SASH1: variants seen among roughly 807,000 people sequenced by gnomAD.
The protein encoded by SASH1 is SAM and SH3 domain-containing protein 1.
In SASH1, 44 loss-of-function variants were observed where a neutral mutation model predicts 125.2. The observed-to-expected ratio is 0.35, with a 90% CI of 0.28 to 0.45. SASH1 has a LOEUF of 0.45. SASH1 is among the 20% of genes least tolerant of loss of function. The pLI, the probability that SASH1 is intolerant of heterozygous loss-of-function variation, is 1.00. For synonymous variants in SASH1, 639 were observed against 649.1 expected (o/e 0.98, Z 0.24); for missense variants, 1,426 against 1,614.5 (o/e 0.88, Z 2.00).
chr6:148,273,036 G>T (rs1779101711), intron 1 of SASH1, among the ~76,000 whole-genome samples: 1 of 152,106 alleles, frequency 6.6e-6, no homozygotes, highest in Non-Finnish European at 1.5e-5. Context: ...GGGGCGGGAA[G>T]GTTCCTTGAG....
chr6:148,336,812 A>G (rs1188156578), intron 1 of SASH1, among the ~76,000 whole-genome samples: 1 of 152,230 alleles, frequency 6.6e-6, no homozygotes, highest in East Asian at 1.9e-4. Flanking sequence ...AGTTAGCTCA[A>G]GTTAAGTTTT....
At chr6:148,442,392 CAAAAG>C (rs954686347) in intron 4 of SASH1, among the ~76,000 whole-genome samples, 5 of 151,912 alleles carry the variant, frequency 3.3e-5, no homozygotes, top group Non-Finnish European at 7.4e-5. Flanking sequence ...GACCCCATCT[CAAAAG>C]AAAAAAATAT....
chr6:148,301,714 G>C (rs898157736), intron 1 of SASH1, among the ~76,000 whole-genome samples: 26 of 149,836 alleles, frequency 1.7e-4, no homozygotes, highest in Non-Finnish European at 2.8e-4. Flanking sequence ...AAGTAGCTGG[G>C]ACTACAGAAA....
intron 1 of SASH1, among the ~76,000 whole-genome samples, chr6:148,376,744 G>C (rs1782909829): frequency 6.6e-6 from 1 of 152,058 alleles, no homozygotes; most frequent in African/African-American, 2.4e-5. Flanking sequence ...GTGACCTGTA[G>C]TCCCAGCTAC....
intron 2 of SASH1, among the ~76,000 whole-genome samples, chr6:148,415,065 G>A (rs993402608): frequency 5.9e-5 from 9 of 152,134 alleles, no homozygotes; most frequent in African/African-American, 2.2e-4. Context: ...CACCACCATC[G>A]ACTTCACAGA....
At chr6:148,400,508 G>A (rs1009874567) in intron 2 of SASH1, among the ~76,000 whole-genome samples, 5 of 152,228 alleles carry the variant, frequency 3.3e-5, no homozygotes, top group Non-Finnish European at 7.3e-5. Flanking sequence ...CCAGCACTTT[G>A]GGAGGCAGAG....
In SASH1 at chr6:148,532,446, C is replaced by T. The variant is rs2115406211; in HGVS notation, c.1565-351C>T. ...CATGACTGCTCTGAATTTGTTTCCT[C>T]ATCTGTAAAATGGTTAGAGAGAGTG... On this transcript the variant is annotated intron_variant, in intron 13 of 19. Coordinates refer to ENST00000367467, the MANE Select transcript of SASH1 (RefSeq NM_015278.5). The surrounding 1 kb of genome is among the most constrained non-coding windows in gnomAD (Gnocchi z 4.7). 1.3e-5 allele frequency among the ~76,000 whole-genome samples: 2 copies of T among 152,330 alleles called. No individual in the cohort carries two copies. Among genetic ancestry groups the T allele is most frequent in the Admixed American group, 1.3e-4 (2 of 15,300 alleles).
chr6:148,326,560 G>A (rs577885946), intron 1 of SASH1, among the ~76,000 whole-genome samples: 10 of 147,648 alleles, frequency 6.8e-5, no homozygotes, highest in Non-Finnish European at 1.0e-4. Flanking sequence ...ACGCGCCACC[G>A]TGGCCAGCTA....
At chr6:148,368,613 C>T (rs1420531088) in intron 1 of SASH1, among the ~76,000 whole-genome samples, 2 of 152,138 alleles carry the variant, frequency 1.3e-5, no homozygotes, top group Non-Finnish European at 2.9e-5. Context: ...GACATGGAAC[C>T]TTCCTGCTTT....
intron 15 of SASH1, among the ~76,000 whole-genome samples, chr6:148,534,258 T>C (rs1781703106): frequency 6.6e-6 from 1 of 152,194 alleles, no homozygotes; most frequent in African/African-American, 2.4e-5. Context: ...CCTGGCACCT[T>C]GATCGCAGCT....
rs113668491 is a variant in SASH1, at chr6:148,481,387, G to A, written c.628-6227G>A. Among the ~76,000 whole-genome samples the A allele has an allele frequency of 4.0e-3, 605 of 152,146 alleles. 5 individuals are homozygous for A. The highest frequency in any genetic ancestry group is 0.014 in the African/African-American group (572 of 41,516). Reference sequence around the variant, plus strand: ...TGTGTCCAGTGGAGTAGCACTTTTCGTTTCCTTTGAGAACTTTTCCTTTGC... The same window carrying A: ...TGTGTCCAGTGGAGTAGCACTTTTCATTTCCTTTGAGAACTTTTCCTTTGC... On this transcript the variant is annotated intron_variant, in intron 7 of 19. Coordinates refer to ENST00000367467, the MANE Select transcript of SASH1 (RefSeq NM_015278.5).
Position 148,549,424 on chromosome 6 carries a change from CGT to C in SASH1, c.*873_*874del, listed in dbSNP as rs373028358. 1.4e-3 allele frequency: 569 copies of C among 392,510 alleles called. 2 individuals are homozygous for C. The highest frequency in any genetic ancestry group is 0.011 in the African/African-American group (523 of 48,440). The allele number at this position is 392,510 out of a possible 1,614,324, so 24.3% of individuals were successfully genotyped here. On this transcript the variant is annotated 3_prime_UTR_variant, in exon 20 of 20. Coordinates refer to ENST00000367467, the MANE Select transcript of SASH1 (RefSeq NM_015278.5). ...TCATGTGTGTGCGTGCGTGCGTGCG[CGT>C]GTGTGTCTGTATTCATAGTGACTGC...
chr6:148,505,983 A>G (rs1779778725), intron 8 of SASH1, among the ~76,000 whole-genome samples: 1 of 147,124 alleles, frequency 6.8e-6, no homozygotes, highest in East Asian at 2.1e-4. Context: ...GTTAGCCAGG[A>G]TGGTCTCGAT....
chr6:148,269,345 C>A (rs1035311102), upstream of SASH1, among the ~76,000 whole-genome samples: 2 of 151,906 alleles, frequency 1.3e-5, no homozygotes, highest in Non-Finnish European at 1.5e-5. Flanking sequence ...GGTTGGAGTG[C>A]GGTGGCACAA....
intron 1 of SASH1, chr6:148,379,881 C>G (rs1420433691): frequency 4.4e-6 from 2 of 456,450 alleles, no homozygotes; most frequent in Non-Finnish European, 8.8e-6. Flanking sequence ...CACCGCTGAT[C>G]TTGTTCCATC....
rs750699481 is a variant in SASH1 at position 148,551,467 on chromosome 6, C to G, written c.*2909C>G. 5 of 152,406 alleles carry G rather than the reference C, an allele frequency of 3.3e-5. No individual in the cohort carries two copies. The highest frequency in any genetic ancestry group is 7.2e-5 in the African/African-American group (3 of 41,440). 9.4% of individuals were successfully genotyped at this position (152,406 alleles called of 1,614,324 possible). On this transcript the variant is annotated 3_prime_UTR_variant, in exon 20 of 20. Transcript: ENST00000367467. Reference sequence around the variant, plus strand: ...CTCCAGCTAGTACTATTTATGTACCCAGATAACTAAGATATTGTTTCATGG... The same window carrying G: ...CTCCAGCTAGTACTATTTATGTACCGAGATAACTAAGATATTGTTTCATGG...
At chr6:148,466,673 T>C (rs1777852306) in intron 4 of SASH1, among the ~76,000 whole-genome samples, 1 of 152,178 alleles carries the variant, frequency 6.6e-6, no homozygotes. Flanking sequence ...GTAGTCCTCC[T>C]GCTGCAGCCT....
At chr6:148,240,032 C>T in the SASH1 span, 1 of 152,152 alleles carries the variant, frequency 6.6e-6, no homozygotes, top group East Asian at 1.9e-4. Flanking sequence ...GGCAGTAAGA[C>T]AGAAAGCTTG....
the SASH1 span, among the ~76,000 whole-genome samples, chr6:148,202,252 A>C: frequency 6.6e-6 from 1 of 152,084 alleles, no homozygotes; most frequent in African/African-American, 2.4e-5. Context: ...ACTAAAAACT[A>C]CTCTACAATG....
Sources: allele counts gnomAD v4.1 joint callset (sites outside exome capture counted in the v4.1 genomes callset), GRCh38; gene constraint gnomAD v4.1.1; non-coding constraint Gnocchi (gnomAD v3.1); transcripts MANE v1.5; gene names NCBI Gene and HGNC (gene_info 2026-07-23, HGNC 2026-07-21).